ANKRD30A: variants seen among roughly 807,000 people sequenced by gnomAD.
ANKRD30A encodes ankyrin repeat domain-containing protein 30A.
A neutral mutation model predicts 166.3 loss-of-function variants in ANKRD30A; 170 were observed. That is an observed-to-expected ratio of 1.02 (90% CI 0.90 to 1.16). The LOEUF is 1.16. Among genes scored for constraint, ANKRD30A ranks in the 50% most tolerant of loss-of-function variants. The pLI, the probability that ANKRD30A is intolerant of heterozygous loss-of-function variation, is 0.00. For missense variants in ANKRD30A, 1,630 were observed against 1,518.0 expected, an observed-to-expected ratio of 1.07 and a Z score of -1.23; for synonymous variants, 564 against 508.9, an observed-to-expected ratio of 1.11 and a Z score of -1.46.
chr10:37,207,804 CTT>C (rs961323839), intron 31 of ANKRD30A, among the ~76,000 whole-genome samples: 2 of 151,926 alleles, frequency 1.3e-5, no homozygotes, highest in African/African-American at 4.8e-5. Context: ...TCTCATACCT[CTT>C]TAAACTTTAA....
intron 31 of ANKRD30A, among the ~76,000 whole-genome samples, chr10:37,212,829 C>T (rs977279154): frequency 2.6e-5 from 4 of 151,846 alleles, no homozygotes; most frequent in Non-Finnish European, 5.9e-5. Context: ...GGAATTATTT[C>T]CCCATTGCTT....
intron 1 of ANKRD30A, 101 bp from the exon 2 acceptor site, chr10:37,129,792 C>T: frequency 3.6e-6 from 2 of 554,884 alleles, no homozygotes; most frequent in Non-Finnish European, 5.6e-6. Flanking sequence ...GTTTTGAAGG[C>T]AGAGAAAGAG....
intron 34 of ANKRD30A, 118 bp downstream of exon 34, chr10:37,220,015 A>ATG (rs1564589536): frequency 5.8e-6 from 1 of 172,162 alleles, no homozygotes; most frequent in Non-Finnish European, 1.1e-5. Context: ...ATATATATAT[A>ATG]TATATATATA....
At chr10:37,152,853 G>T (rs1241563374) in intron 12 of ANKRD30A, among the ~76,000 whole-genome samples, 1 of 152,060 alleles carries the variant, frequency 6.6e-6, no homozygotes, top group Non-Finnish European at 1.5e-5. Context: ...GCTGCTGCCT[G>T]GTGGTAACAG....
At chr10:37,264,147 T>C in the ANKRD30A span, among the ~76,000 whole-genome samples, 2 of 152,156 alleles carry the variant, frequency 1.3e-5, no homozygotes, top group African/African-American at 2.4e-5. Context: ...TAAAAACATA[T>C]TATTGATTTT....
chr10:37,211,752 A>G (rs1282280105), intron 31 of ANKRD30A, among the ~76,000 whole-genome samples: 2 of 152,156 alleles, frequency 1.3e-5, no homozygotes, highest in Non-Finnish European at 2.9e-5. Context: ...TCCCACCAAC[A>G]GTGTAAAAGC....
At position 37,184,133 on chromosome 10, in the gene ANKRD30A, G is replaced by T. The variant is rs1447821156; in HGVS notation, c.2422-5334G>T. The stretch of plus-strand genomic sequence containing the variant: ...ATAGTGGAAGAAGAGCAGTTGGATA[G>T]AAGGTCAAGACATAACAGGGTCAAG... On this transcript the variant is annotated intron_variant, in intron 24 of 35. Transcript: ENST00000361713. Among the ~76,000 whole-genome samples, 4 of 149,840 alleles carry T rather than the reference G, an allele frequency of 2.7e-5. No individual in the cohort carries two copies. In the South Asian group the frequency reaches 8.7e-4, roughly 33 times the overall value.
At chr10:37,193,143 G>T in intron 26 of ANKRD30A, 43 bp from the exon 27 acceptor site, 2 of 1,604,682 alleles carry the variant, frequency 1.2e-6, no homozygotes. Context: ...ATTTTATGAA[G>T]TATACATTGT....
intron 1 of ANKRD30A, among the ~76,000 whole-genome samples, chr10:37,129,104 C>T (rs1388831487): frequency 6.6e-6 from 1 of 152,066 alleles, no homozygotes; most frequent in Admixed American, 6.6e-5. Context: ...TTCAACTCTC[C>T]TTTTGCGTAG....
intron 6 of ANKRD30A, among the ~76,000 whole-genome samples, chr10:37,138,334 A>G (rs1306879995): frequency 1.3e-5 from 2 of 152,192 alleles, no homozygotes; most frequent in East Asian, 1.9e-4. Flanking sequence ...TCCTCCTCCA[A>G]AGGAACGCAG....
the ANKRD30A span, among the ~76,000 whole-genome samples, chr10:37,250,502 G>A: frequency 1.3e-5 from 2 of 152,134 alleles, no homozygotes; most frequent in African/African-American, 4.8e-5. Context: ...ATCCTGGCCA[G>A]TAAATATGGT....
rs763878372 is a variant in ANKRD30A at position 37,219,444 on chromosome 10, T to C, written c.3732T>C (p.Tyr1244=). The C allele has an allele frequency of 3.3e-5, 53 of 1,610,218 alleles. No homozygotes were observed. ...KMNVDVSSTI[Y]NNEVLHQPLS... ...ATGTTGATGTGAGTAGTACGATATA[T>C]AACAATGAGGTGCTCCATCAACCAC... Residue 1244 remains tyrosine, a synonymous_variant, in exon 34 of 36, where the codon TAT becomes TAC. Transcript: ENST00000361713.
intron 27 of ANKRD30A, among the ~76,000 whole-genome samples, chr10:37,196,258 A>C (rs1841096046): frequency 6.6e-6 from 1 of 152,070 alleles, no homozygotes; most frequent in African/African-American, 2.4e-5. Context: ...GACTGTGGGC[A>C]CTCCAGAGAC....
chr10:37,262,169 A>G, the ANKRD30A span, among the ~76,000 whole-genome samples: 28 of 152,332 alleles, frequency 1.8e-4, no homozygotes, highest in African/African-American at 6.5e-4. Context: ...TCAAATGACC[A>G]TTTCACATCT....
chr10:37,233,644 C>T (rs528558502), downstream of ANKRD30A, among the ~76,000 whole-genome samples: 17 of 152,130 alleles, frequency 1.1e-4, no homozygotes, highest in African/African-American at 2.6e-4. Flanking sequence ...AAATCATGTT[C>T]GACTTAATAA....
chr10:37,178,502 C>T (rs1295838110), intron 24 of ANKRD30A: 2 of 975,110 alleles, frequency 2.1e-6, no homozygotes, highest in African/African-American at 3.5e-5. Flanking sequence ...TTGGACGTTG[C>T]TCTGGGTAGC....
At chr10:37,212,829 C>A (rs977279154) in intron 31 of ANKRD30A, among the ~76,000 whole-genome samples, 1 of 151,846 alleles carries the variant, frequency 6.6e-6, no homozygotes, top group Admixed American at 6.6e-5. Flanking sequence ...GGAATTATTT[C>A]CCCATTGCTT....
intron 34 of ANKRD30A, among the ~76,000 whole-genome samples, chr10:37,221,664 ATAAT>A (rs1842904795): frequency 6.6e-6 from 1 of 151,288 alleles, no homozygotes; most frequent in Admixed American, 6.6e-5. Flanking sequence ...TGTTTTTCTT[ATAAT>A]TACATATTTT....
chr10:37,147,817 A>ACTTTTTTTTTTTTTTTT (rs1486434838), intron 9 of ANKRD30A, among the ~76,000 whole-genome samples: 2 of 146,988 alleles, frequency 1.4e-5, no homozygotes, highest in South Asian at 4.4e-4. Context: ...GGCAAAATAA[A>ACTTTTTTTTTTTTTTTT]ATATTTTTTA....
Sources: allele counts gnomAD v4.1 joint callset (sites outside exome capture counted in the v4.1 genomes callset), GRCh38; gene constraint gnomAD v4.1.1; transcripts MANE v1.5; gene names NCBI Gene and HGNC (gene_info 2026-07-23, HGNC 2026-07-21).